Variants in PRKN observed in about 807,000 individuals in gnomAD.
The protein encoded by PRKN is parkin RBR E3 ubiquitin protein ligase, also known as E3 ubiquitin-protein ligase parkin.
A neutral mutation model predicts 59.5 loss-of-function variants in PRKN; 56 were observed. The observed-to-expected ratio is 0.94, with a 90% CI of 0.76 to 1.18. PRKN has a LOEUF of 1.18. PRKN is among the 50% of genes most tolerant of loss of function. PRKN has a pLI of 0.00. For synonymous variants in PRKN, 250 were observed against 222.1 expected (o/e 1.13, Z -1.12); for missense variants, 657 against 596.4 (o/e 1.10, Z -1.06).
At chr6:162,232,233 C>T (rs899252123) in intron 3 of PRKN, among the ~76,000 whole-genome samples, 8 of 152,150 alleles carry the variant, frequency 5.3e-5, no homozygotes, top group Non-Finnish European at 1.2e-4. Context: ...CTGAGCCTAG[C>T]TCACGGCACT....
intron 1 of PRKN, among the ~76,000 whole-genome samples, chr6:162,575,283 A>G (rs963864407): frequency 2.0e-5 from 3 of 152,170 alleles, no homozygotes; most frequent in Non-Finnish European, 2.9e-5. Flanking sequence ...TCATTGCTTC[A>G]GACAAAAGAC....
intron 1 of PRKN, among the ~76,000 whole-genome samples, chr6:162,464,276 G>A (rs1375021678): frequency 6.6e-6 from 1 of 151,854 alleles, no homozygotes; most frequent in Non-Finnish European, 1.5e-5. Context: ...TGGGAATCAG[G>A]GATCTGCTAT....
intron 5 of PRKN, among the ~76,000 whole-genome samples, chr6:162,021,924 C>T (rs1783220900): frequency 6.6e-6 from 1 of 152,090 alleles, no homozygotes; most frequent in South Asian, 2.1e-4. Context: ...TTAGTTCCCA[C>T]TTATAAGTGA....
chr6:162,486,343 T>C (rs775500984), intron 1 of PRKN, among the ~76,000 whole-genome samples: 4 of 152,224 alleles, frequency 2.6e-5, no homozygotes, highest in Non-Finnish European at 5.9e-5. Context: ...TACTCAATAA[T>C]GCACAAAACT....
intron 3 of PRKN, among the ~76,000 whole-genome samples, chr6:162,260,530 TAGAG>T (rs370955221): frequency 2.7e-5 from 4 of 150,860 alleles, no homozygotes; most frequent in South Asian, 4.2e-4. Context: ...TATTATGGTC[TAGAG>T]AGAGAGAGAG....
At chr6:162,025,401 T>C (rs550412531) in intron 5 of PRKN, among the ~76,000 whole-genome samples, 38 of 152,064 alleles carry the variant, frequency 2.5e-4, no homozygotes, top group Non-Finnish European at 4.9e-4. Flanking sequence ...TTTTCTTCCT[T>C]CCTGTGCAGT....
intron 1 of PRKN, among the ~76,000 whole-genome samples, chr6:162,508,035 T>A (rs1212997300): frequency 6.6e-6 from 1 of 152,204 alleles, no homozygotes; most frequent in Non-Finnish European, 1.5e-5. Flanking sequence ...TACCCAAGAC[T>A]GGGCAATTTA....
chr6:161,978,365 G>C (rs1303789024), intron 5 of PRKN, among the ~76,000 whole-genome samples: 2 of 152,146 alleles, frequency 1.3e-5, no homozygotes, highest in East Asian at 3.9e-4. Flanking sequence ...GGTCATTTCT[G>C]CTCCTGTACA....
chr6:162,242,951 T>C (rs1450051425), intron 3 of PRKN, among the ~76,000 whole-genome samples: 2 of 152,072 alleles, frequency 1.3e-5, no homozygotes, highest in Non-Finnish European at 2.9e-5. Context: ...ATTAGACATG[T>C]TTGTGAGATA....
intron 6 of PRKN, among the ~76,000 whole-genome samples, chr6:161,912,898 C>T (rs891511116): frequency 2.0e-4 from 31 of 152,098 alleles, no homozygotes; most frequent in Admixed American, 1.0e-3. Context: ...TGGGATAGGC[C>T]GGGTGCGGTG....
intron 9 of PRKN, among the ~76,000 whole-genome samples, chr6:161,541,351 GCACAGAAACAATGCTCTCCA>G (rs1230265163): frequency 2.0e-5 from 3 of 152,174 alleles, no homozygotes; most frequent in Admixed American, 6.5e-5. Context: ...CAAAATAAAT[GCACAGAAACAATGCTCTCCA>G]CACAGAAACA....
intron 3 of PRKN, among the ~76,000 whole-genome samples, chr6:162,251,170 C>T (rs571707566): frequency 1.8e-4 from 27 of 152,234 alleles, no homozygotes; most frequent in Non-Finnish European, 3.2e-4. Flanking sequence ...TAGTTAAAAA[C>T]AGTATTAAGA....
chr6:162,494,071 C>A (rs1301388837), intron 1 of PRKN, among the ~76,000 whole-genome samples: 1 of 152,200 alleles, frequency 6.6e-6, no homozygotes, highest in African/African-American at 2.4e-5. Context: ...TGTGGAGATG[C>A]TGCAATGTGC....
intron 9 of PRKN, among the ~76,000 whole-genome samples, chr6:161,452,818 G>A (rs1173526840): frequency 6.6e-6 from 1 of 151,966 alleles, no homozygotes; most frequent in African/African-American, 2.4e-5. Context: ...ATAACCCACA[G>A]GCGAGGGGCA....
rs1779934484 is a variant in PRKN at position 161,549,811 on chromosome 6, G to A, written c.934-808C>T. Among the ~76,000 whole-genome samples, 1 of 152,164 alleles carries A rather than the reference G, an allele frequency of 6.6e-6. No individual in the cohort carries two copies. Among genetic ancestry groups the A allele is most frequent in the South Asian group, 2.1e-4 (1 of 4,836 alleles). On this transcript the variant is annotated intron_variant, in intron 8 of 11. Coordinates refer to ENST00000366898, the MANE Select transcript of PRKN (RefSeq NM_004562.3). The surrounding 1 kb of genome is among the most constrained non-coding windows in gnomAD (Gnocchi z 6.0). ...TTAAATAATGCAACATTTATTGAGA[G>A]CCTACTACATTCCAGACTCTATCGA...
intron 2 of PRKN, among the ~76,000 whole-genome samples, chr6:162,282,659 A>G (rs569544743): frequency 2.6e-5 from 4 of 152,364 alleles, no homozygotes; most frequent in African/African-American, 9.6e-5. Flanking sequence ...AACATTTGTT[A>G]TAACTCTAGA....
At position 161,765,815 on chromosome 6, in the gene PRKN, C is replaced by A. The variant is rs539091706; in HGVS notation, c.871+19957G>T. Among the ~76,000 whole-genome samples, 12 of 152,202 alleles carry A rather than the reference C, an allele frequency of 7.9e-5. No homozygotes were observed. The South Asian group carries it at 2.3e-3, about 29-fold the overall frequency. Reference sequence around the variant, plus strand: ...GTTATATATGAACAATAAAAACTCACCAAGATCACTGATTTTGTTGAAATG... The same window carrying A: ...GTTATATATGAACAATAAAAACTCAACAAGATCACTGATTTTGTTGAAATG... On this transcript the variant is annotated intron_variant, in intron 7 of 11. Transcript: ENST00000366898.
intron 6 of PRKN, among the ~76,000 whole-genome samples, chr6:161,972,328 T>C (rs933552449): frequency 6.6e-6 from 1 of 152,040 alleles, no homozygotes; most frequent in Non-Finnish European, 1.5e-5. Flanking sequence ...GTTCTCACTA[T>C]TGCAATTTGA....
At chr6:162,714,938 A>G (rs990789984) in intron 1 of PRKN, among the ~76,000 whole-genome samples, 5 of 152,246 alleles carry the variant, frequency 3.3e-5, no homozygotes, top group South Asian at 2.1e-4. Context: ...AGCAGTAAGA[A>G]GAAACAACAG....
Sources: allele counts gnomAD v4.1 joint callset (sites outside exome capture counted in the v4.1 genomes callset), GRCh38; gene constraint gnomAD v4.1.1; non-coding constraint Gnocchi (gnomAD v3.1); transcripts MANE v1.5; gene names NCBI Gene and HGNC (gene_info 2026-07-23, HGNC 2026-07-21).